The following SGCD variants were observed in gnomAD, a reference collection of about 807,000 sequenced individuals.
SGCD encodes sarcoglycan delta, also known as delta-sarcoglycan.
SGCD carries 18 observed loss-of-function variants against 36.6 expected under a neutral mutation model. The observed-to-expected ratio is 0.49, with a 90% CI of 0.34 to 0.73. SGCD has a LOEUF of 0.73. SGCD is among the 30% of genes least tolerant of loss of function. The pLI is 0.01. For synonymous variants in SGCD, 133 were observed against 130.6 expected (o/e 1.02, Z -0.12); for missense variants, 387 against 346.7 (o/e 1.12, Z -0.92).
intron 5 of SGCD, among the ~76,000 whole-genome samples, chr5:156,592,948 G>A (rs1331688467): frequency 6.6e-6 from 1 of 152,142 alleles, no homozygotes; most frequent in Non-Finnish European, 1.5e-5. Context: ...TCTTTTCCAC[G>A]TGTTGTCCCA....
At chr5:155,738,924 C>T in the SGCD span, among the ~76,000 whole-genome samples, 15 of 122,742 alleles carry the variant, frequency 1.2e-4, no homozygotes, top group Non-Finnish European at 2.0e-4. Context: ...AGTGTGTTTG[C>T]GTGTGAGAGA....
chr5:156,729,424 A>G (rs2088158658), intron 7 of SGCD, among the ~76,000 whole-genome samples: 1 of 152,232 alleles, frequency 6.6e-6, no homozygotes, highest in Non-Finnish European at 1.5e-5. Context: ...AAGGCCTCAG[A>G]GGCAGTGAGA....
chr5:156,640,728 T>C (rs1762996614), intron 6 of SGCD, among the ~76,000 whole-genome samples: 1 of 152,194 alleles, frequency 6.6e-6, no homozygotes, highest in African/African-American at 2.4e-5. Context: ...TAAATATTTG[T>C]TGAATGAATT....
chr5:156,468,628 A>T (rs1422763884), intron 3 of SGCD, among the ~76,000 whole-genome samples: 2 of 152,148 alleles, frequency 1.3e-5, no homozygotes, highest in African/African-American at 4.8e-5. Flanking sequence ...TCTTTGTCTG[A>T]TCTTGAATTT....
chr5:155,835,002 ATTTTTTTT>A, the SGCD span, among the ~76,000 whole-genome samples: 1 of 60,184 alleles, frequency 1.7e-5, no homozygotes, highest in African/African-American at 5.8e-5. Flanking sequence ...TGCCCAGCTA[ATTTTTTTT>A]TTTTTTTTTT....
intron 3 of SGCD, among the ~76,000 whole-genome samples, chr5:156,350,247 T>TA (rs1769170083): frequency 1.0e-5 from 1 of 95,780 alleles, no homozygotes; most frequent in Non-Finnish European, 2.4e-5. Context: ...GGAAAAAAAA[T>TA]TATATATATA....
intron 7 of SGCD, among the ~76,000 whole-genome samples, chr5:156,730,270 G>T (rs1755989181): frequency 6.6e-6 from 1 of 152,116 alleles, no homozygotes; most frequent in Admixed American, 6.5e-5. Context: ...GTACAGGTTT[G>T]TTACATAGGT....
rs369889635 is a variant in SGCD, at chr5:156,329,536, A to T, written c.-41A>T. 6.2e-7 allele frequency: 1 copy of T among 1,610,160 alleles called. No homozygotes were observed. Among genetic ancestry groups the T allele is most frequent in the African/African-American group, 1.3e-5 (1 of 74,852 alleles). Reference sequence around the variant, plus strand: ...TAACCCATATTTGTTCCTTGCAGAGACATTACTGCCGGGAGTGTTGAGTGA... The same window carrying T: ...TAACCCATATTTGTTCCTTGCAGAGTCATTACTGCCGGGAGTGTTGAGTGA... On this transcript the variant is annotated splice_region_variant and 5_prime_UTR_variant, in exon 2 of 9. Transcript: ENST00000337851.
chr5:155,914,282 C>T (rs1386159388), intron 1 of SGCD, among the ~76,000 whole-genome samples: 1 of 152,170 alleles, frequency 6.6e-6, no homozygotes, highest in Non-Finnish European at 1.5e-5. Flanking sequence ...ATCATTACAA[C>T]AGATGCCGGA....
intron 3 of SGCD, among the ~76,000 whole-genome samples, chr5:156,278,000 A>C (rs1766359647): frequency 6.6e-6 from 1 of 152,202 alleles, no homozygotes; most frequent in South Asian, 2.1e-4. Context: ...TTAAGGGAAA[A>C]TAATAGGTTC....
At chr5:155,958,957 ACCTT>A (rs1183339517) in intron 1 of SGCD, among the ~76,000 whole-genome samples, 1 of 152,100 alleles carries the variant, frequency 6.6e-6, no homozygotes. Flanking sequence ...CATACCAGGG[ACCTT>A]CAGTCCCCAG....
intron 1 of SGCD, among the ~76,000 whole-genome samples, chr5:156,003,912 G>A (rs1311646166): frequency 6.6e-6 from 1 of 152,128 alleles, no homozygotes; most frequent in Non-Finnish European, 1.5e-5. Context: ...TCAAGTAACA[G>A]ATCAAAGCAT....
At chr5:155,964,004 A>C (rs1356459166) in intron 1 of SGCD, among the ~76,000 whole-genome samples, 2 of 152,090 alleles carry the variant, frequency 1.3e-5, no homozygotes, top group Non-Finnish European at 2.9e-5. Context: ...CTGTTTGTGA[A>C]GATGCATGCA....
intron 7 of SGCD, among the ~76,000 whole-genome samples, chr5:156,727,042 A>G (rs2113795846): frequency 6.6e-6 from 1 of 152,336 alleles, no homozygotes; most frequent in East Asian, 1.9e-4. Context: ...AATGAAGGTA[A>G]TGTTTATTCA....
chr5:156,735,182 A>C (rs1756287482), intron 7 of SGCD, among the ~76,000 whole-genome samples: 1 of 152,124 alleles, frequency 6.6e-6, no homozygotes, highest in Admixed American at 6.5e-5. Flanking sequence ...TTTCTCTGGG[A>C]GCTCCATCCC....
At chr5:156,273,433 C>T (rs977935880) in intron 3 of SGCD, among the ~76,000 whole-genome samples, 5 of 152,172 alleles carry the variant, frequency 3.3e-5, no homozygotes, top group African/African-American at 9.7e-5. Context: ...ATATTTTGCT[C>T]ACAGCCCATT....
At chr5:156,466,513 C>T (rs1754726600) in intron 3 of SGCD, among the ~76,000 whole-genome samples, 1 of 152,150 alleles carries the variant, frequency 6.6e-6, no homozygotes, top group African/African-American at 2.4e-5. Flanking sequence ...GTCACTTCAG[C>T]ACAGTGCAAG....
chr5:155,931,011 G>A (rs1184056647), intron 1 of SGCD, among the ~76,000 whole-genome samples: 2 of 152,002 alleles, frequency 1.3e-5, no homozygotes, highest in East Asian at 3.9e-4. Flanking sequence ...TGTTGCCAAA[G>A]CACTCTGATC....
intron 1 of SGCD, among the ~76,000 whole-genome samples, chr5:156,007,007 A>G (rs1758771383): frequency 6.6e-6 from 1 of 152,202 alleles, no homozygotes; most frequent in Non-Finnish European, 1.5e-5. Context: ...TAGCAGATAT[A>G]TGCTGGTTCA....
Sources: gnomAD v4.1 joint callset for allele counts (sites outside exome capture counted in the v4.1 genomes callset) on GRCh38, gnomAD v4.1.1 for gene constraint, MANE v1.5 for transcripts, NCBI Gene and HGNC (gene_info 2026-07-23, HGNC 2026-07-21) for gene names.